CD164: variants seen among roughly 807,000 people sequenced by gnomAD.
CD164 encodes CD164 molecule.
CD164 carries 11 observed loss-of-function variants against 24.6 expected under a neutral mutation model. The ratio of observed to expected loss-of-function variants is 0.45; its 90% CI spans 0.28 to 0.74. The LOEUF (loss-of-function observed/expected upper bound fraction) is 0.74, where lower values mean the gene tolerates loss of function less well. Among genes scored for constraint, CD164 ranks in the 30% least tolerant of loss-of-function variants. The probability of loss-of-function intolerance (pLI) is 0.13; values close to 1 mark genes in which losing one functional copy is unlikely to be tolerated. For synonymous variants in CD164, 126 were observed against 100.3 expected, an observed-to-expected ratio of 1.26 and a Z score of -1.53; for missense variants, 295 against 243.7, an observed-to-expected ratio of 1.21 and a Z score of -1.40.
intron 5 of CD164, 73 bp from the exon 6 acceptor site, chr6:109,369,090 A>T: frequency 7.6e-7 from 1 of 1,321,856 alleles, no homozygotes; most frequent in Non-Finnish European, 1.1e-6. Flanking sequence ...GATGCACCTG[A>T]GCCTCTATTT....
intron 4 of CD164, chr6:109,372,404 T>C (rs1346724062): frequency 1.3e-5 from 2 of 152,208 alleles, no homozygotes; most frequent in African/African-American, 4.8e-5. Context: ...TATTCTAATT[T>C]TCACATGACC....
intron 1 of CD164, chr6:109,380,251 T>C (rs1484798548): frequency 6.6e-6 from 1 of 152,264 alleles, no homozygotes; most frequent in Admixed American, 6.5e-5. Flanking sequence ...GTGCATACAA[T>C]TCAGGTTAAC....
chr6:109,377,927 C>T lies in CD164; in HGVS notation c.304G>A (p.Val102Met). 3 of 1,613,946 alleles carry T rather than the reference C, an allele frequency of 1.9e-6. No individual in the cohort carries two copies. The highest frequency in any genetic ancestry group is 2.5e-6 in the Non-Finnish European group (3 of 1,179,920). ...GAACAGAAGTCTGTCGTGTTCCCCA[C>T]TTGACAATCACTAACTGTTGAGTTA... is the stretch of plus-strand genomic sequence containing the variant. ...SHNSTVSDCQ[V>M]GNTTDFCSVS... is the part of the protein sequence containing the mutation. Residue 102 changes from valine to methionine, a missense_variant, in exon 3 of 6, where the codon GTG becomes ATG. Transcript: ENST00000310786.
chr6:109,380,958 A>C (rs2115172821), intron 1 of CD164, among the ~76,000 whole-genome samples: 1 of 152,362 alleles, frequency 6.6e-6, no homozygotes, highest in East Asian at 1.9e-4. Context: ...TCTTCCTTAA[A>C]CTAAAAACAA....
At chr6:109,370,723 C>T (rs1393150296) in intron 4 of CD164, 4 of 352,476 alleles carry the variant, frequency 1.1e-5, no homozygotes, top group Non-Finnish European at 2.1e-5. Context: ...TCTATGTATA[C>T]ATCTGGATAA....
intron 1 of CD164, among the ~76,000 whole-genome samples, chr6:109,381,176 T>C (rs1157719987): frequency 6.6e-6 from 1 of 152,216 alleles, no homozygotes; most frequent in Non-Finnish European, 1.5e-5. Context: ...AAACCTCTAG[T>C]GTTTCTCCCG....
intron 2 of CD164, 83 bp downstream of exon 2, chr6:109,379,496 C>T: frequency 9.9e-7 from 1 of 1,010,754 alleles, no homozygotes; most frequent in Non-Finnish European, 1.5e-6. Context: ...TCCTAAATGT[C>T]CTACATAACT....
intron 4 of CD164, chr6:109,372,465 G>A (rs1771133667): frequency 2.0e-5 from 3 of 152,234 alleles, no homozygotes; most frequent in South Asian, 2.1e-4. Flanking sequence ...ATACTACTTA[G>A]AAGCTAATAG....
chr6:109,381,966 G>A (rs1319574255), intron 1 of CD164: 4 of 376,982 alleles, frequency 1.1e-5, no homozygotes, highest in Non-Finnish European at 1.9e-5. Flanking sequence ...TTCGAGGGGG[G>A]CCCCAGCCCC....
chr6:109,372,509 G>A (rs1771137346), intron 4 of CD164: 1 of 152,124 alleles, frequency 6.6e-6, no homozygotes, highest in Non-Finnish European at 1.5e-5. Flanking sequence ...GATATGTTCA[G>A]ACCCATTTGC....
In CD164 at chr6:109,382,157, C is replaced by G. The variant is rs925169104; in HGVS notation, c.175+47G>C. ...CCCGCACGGCGAGGAGGCAGTGCGG[C>G]TCGGCTGGGCAGGGGAGGGCGGGAA... is the stretch of plus-strand genomic sequence containing the variant. On this transcript the variant is annotated intron_variant, in intron 1 of 5. Transcript: ENST00000310786. 17 of 1,424,640 alleles carry G rather than the reference C, an allele frequency of 1.2e-5. No homozygotes were observed. In the African/African-American group the frequency reaches 1.9e-4, roughly 16 times the overall value. 88.2% of individuals were successfully genotyped at this position (1,424,640 alleles called of 1,614,324 possible). A position where few individuals can be genotyped will look rare whatever the true frequency, so the allele number is the denominator to read the frequency against.
chr6:109,376,769 T>C (rs1771433562), intron 3 of CD164, among the ~76,000 whole-genome samples: 1 of 152,248 alleles, frequency 6.6e-6, no homozygotes, highest in East Asian at 1.9e-4. Flanking sequence ...TCATTAATCT[T>C]GTCTCTAAGC....
chr6:109,375,612 G>A (rs539245521), intron 4 of CD164, among the ~76,000 whole-genome samples: 9 of 69,980 alleles, frequency 1.3e-4, no homozygotes, highest in African/African-American at 5.5e-4. Flanking sequence ...GCAAGACTTC[G>A]CTTCCAAAAA....
At chr6:109,381,533 A>T (rs1771743772) in intron 1 of CD164, 1 of 702,670 alleles carries the variant, frequency 1.4e-6, no homozygotes, top group Non-Finnish European at 2.6e-6. Flanking sequence ...ATACGTACGC[A>T]AAACACCCGG....
intron 3 of CD164, 53 bp downstream of exon 3, chr6:109,377,847 A>C (rs1296937414): frequency 2.3e-6 from 3 of 1,313,828 alleles, no homozygotes; most frequent in Non-Finnish European, 3.3e-6. Flanking sequence ...TGAGGCAATG[A>C]TCTTCCTCAC....
intron 1 of CD164, 180 bp downstream of exon 1, chr6:109,382,024 C>G: frequency 2.1e-6 from 1 of 475,984 alleles, no homozygotes; most frequent in Non-Finnish European, 3.3e-6. Flanking sequence ...GCGCTCCCCA[C>G]CCGGCCCGGC....
intron 4 of CD164, among the ~76,000 whole-genome samples, chr6:109,373,196 A>G (rs535046520): frequency 3.3e-5 from 5 of 152,322 alleles, no homozygotes; most frequent in African/African-American, 1.2e-4. Flanking sequence ...AAGAGCTAAA[A>G]TTGTATTACA....
At chr6:109,374,228 T>C (rs1177679326) in intron 4 of CD164, among the ~76,000 whole-genome samples, 1 of 152,206 alleles carries the variant, frequency 6.6e-6, no homozygotes, top group Non-Finnish European at 1.5e-5. Context: ...TTTATATTTT[T>C]AGCCAAGAGC....
intron 1 of CD164, chr6:109,380,447 A>G (rs531542459): frequency 6.6e-5 from 10 of 152,376 alleles, no homozygotes; most frequent in East Asian, 1.9e-4. Context: ...AGATGCCTCC[A>G]AACATTCTCG....
Sources: allele counts gnomAD v4.1 joint callset (sites outside exome capture counted in the v4.1 genomes callset), GRCh38; gene constraint gnomAD v4.1.1; transcripts MANE v1.5; gene names NCBI Gene and HGNC (gene_info 2026-07-23, HGNC 2026-07-21).